FBXW8: variants seen among roughly 807,000 people sequenced by gnomAD.
The protein encoded by FBXW8 is F-box/WD repeat-containing protein 8.
Under a neutral mutation model 65.3 loss-of-function variants are expected in FBXW8, and 57 were observed. The ratio of observed to expected loss-of-function variants is 0.87; its 90% CI spans 0.71 to 1.09. FBXW8 has a LOEUF of 1.09. Ranked by LOEUF, FBXW8 falls within the 50% of genes least tolerant of loss-of-function variation. The pLI, the probability that FBXW8 is intolerant of heterozygous loss-of-function variation, is 0.00. For synonymous variants in FBXW8, 308 were observed against 330.2 expected (o/e 0.93, Z 0.73); for missense variants, 777 against 814.8 (o/e 0.95, Z 0.57).
At chr12:116,970,938 A>G (rs1427625419) in intron 5 of FBXW8, among the ~76,000 whole-genome samples, 2 of 152,248 alleles carry the variant, frequency 1.3e-5, no homozygotes, top group African/African-American at 4.8e-5. Context: ...GACACTTTGC[A>G]AACAAAACAG....
chr12:116,915,640 CTTTTTTTTTTTTTTTTTTTT>C (rs57687048), intron 1 of FBXW8, among the ~76,000 whole-genome samples: 1 of 77,202 alleles, frequency 1.3e-5, no homozygotes, highest in African/African-American at 5.3e-5. Flanking sequence ...CACCTGACTA[CTTTTTTTTTTTTTTTTTTTT>C]TTTTTTTTGG....
chr12:116,945,274 G>A, intron 2 of FBXW8, 90 bp from the exon 3 acceptor site: 3 of 1,317,268 alleles, frequency 2.3e-6, no homozygotes, highest in South Asian at 1.4e-5. Context: ...ATAAACCCAG[G>A]GCAATAATAT....
In FBXW8 at chr12:117,029,283, G is replaced by A; in HGVS notation, c.*1111G>A. 6.6e-6 allele frequency: 1 copy of A among 152,320 alleles called. No individual in the cohort carries two copies. The highest frequency in any genetic ancestry group is 1.5e-5 in the Non-Finnish European group (1 of 68,046). 9.4% of individuals were successfully genotyped at this position (152,320 alleles called of 1,614,324 possible). A position where few individuals can be genotyped will look rare whatever the true frequency, so the allele number is the denominator to read the frequency against. The stretch of plus-strand genomic sequence containing the variant: ...CCTATGGGCTATACCCTCAGGCAGG[G>A]CCCTGCTTTTCTAGGAATTGACTCC... On this transcript the variant is annotated 3_prime_UTR_variant, in exon 11 of 11. Transcript: ENST00000652555.
rs1327108369 is a variant in FBXW8, at chr12:116,911,297, T to C, written c.260T>C (p.Leu87Pro). 2 of 1,280,110 alleles carry C rather than the reference T, an allele frequency of 1.6e-6. No homozygotes were observed. Among genetic ancestry groups the C allele is most frequent in the Admixed American group, 8.3e-5 (2 of 24,170 alleles). The allele number at this position is 1,280,110 out of a possible 1,614,324, so 79.3% of individuals were successfully genotyped here. Residue 87 changes from leucine (L) to proline (P), a missense_variant, in exon 1 of 11, where the codon CTG becomes CCG. Physicochemically the swap from Leu to Pro is moderately conservative, Grantham distance 98 (BLOSUM62 -3). Coordinates refer to ENST00000652555, the MANE Select transcript of FBXW8 (RefSeq NM_153348.3). ...QDVASRSRSPLAREGAGGGEQ... is the reference protein window; with the variant it reads ...QDVASRSRSPPAREGAGGGEQ... ...GTAGCGAGCCGCTCACGTTCTCCTC[T>C]GGCCCGCGAGGGCGCCGGGGGCGGG...
At position 117,012,284 on chromosome 12, in the gene FBXW8, G is replaced by A. The variant is rs1953840268; in HGVS notation, c.1367+1834G>A. Among the ~76,000 whole-genome samples, 4 of 152,100 alleles carry A rather than the reference G, an allele frequency of 2.6e-5. No homozygotes were observed. In the South Asian group the frequency reaches 8.3e-4, roughly 32 times the overall value. On this transcript the variant is annotated intron_variant, in intron 8 of 10. Transcript: ENST00000652555. The stretch of plus-strand genomic sequence containing the variant: ...AAGTCCATTTTATTAGTAAGCCAAT[G>A]TTACATTTTTTTTTAAAACGCTCTG...
At chr12:116,989,580 G>A (rs1953185496) in intron 7 of FBXW8, among the ~76,000 whole-genome samples, 1 of 152,204 alleles carries the variant, frequency 6.6e-6, no homozygotes, top group Non-Finnish European at 1.5e-5. Context: ...TTCTTTGAGT[G>A]ATGACTAAAT....
intron 5 of FBXW8, among the ~76,000 whole-genome samples, chr12:116,984,994 A>G (rs1295332233): frequency 6.6e-6 from 1 of 152,352 alleles, no homozygotes; most frequent in South Asian, 2.1e-4. Context: ...GTTTCTAAAA[A>G]ATAAAAAAGT....
intron 5 of FBXW8, among the ~76,000 whole-genome samples, chr12:116,979,938 C>T (rs1407797985): frequency 6.6e-6 from 1 of 152,118 alleles, no homozygotes; most frequent in Non-Finnish European, 1.5e-5. Flanking sequence ...TCTCCTTGCC[C>T]TGAGGTCCCT....
intron 3 of FBXW8, among the ~76,000 whole-genome samples, chr12:116,948,318 A>G (rs1883061098): frequency 6.6e-6 from 1 of 152,148 alleles, no homozygotes; most frequent in Non-Finnish European, 1.5e-5. Context: ...GCCTTCACAC[A>G]GCTGACTCCC....
intron 7 of FBXW8, among the ~76,000 whole-genome samples, chr12:117,004,998 T>C (rs1045941542): frequency 6.6e-6 from 1 of 152,248 alleles, no homozygotes; most frequent in African/African-American, 2.4e-5. Context: ...TTATCCAGCA[T>C]GGTCACTGTT....
At chr12:116,979,543 T>C (rs1401122174) in intron 5 of FBXW8, 1 of 152,350 alleles carries the variant, frequency 6.6e-6, no homozygotes, top group Admixed American at 6.5e-5. Flanking sequence ...ACTTGTCTTC[T>C]GGATGTTTCA....
At chr12:116,963,730 C>G (rs1884134811) in intron 4 of FBXW8, among the ~76,000 whole-genome samples, 1 of 152,202 alleles carries the variant, frequency 6.6e-6, no homozygotes, top group African/African-American at 2.4e-5. Flanking sequence ...ATCAACTCGG[C>G]AAAGAAACCC....
intron 4 of FBXW8, among the ~76,000 whole-genome samples, chr12:116,960,816 G>T (rs1334231508): frequency 6.6e-6 from 1 of 152,146 alleles, no homozygotes; most frequent in Non-Finnish European, 1.5e-5. Flanking sequence ...TTGAGGAGAC[G>T]ATCAATGCAT....
chr12:117,013,038 A>C (rs1236105969), intron 8 of FBXW8, among the ~76,000 whole-genome samples: 1 of 152,178 alleles, frequency 6.6e-6, no homozygotes, highest in Non-Finnish European at 1.5e-5. Flanking sequence ...TGAGGTCAGG[A>C]GTTCAAGGTC....
intron 5 of FBXW8, among the ~76,000 whole-genome samples, 172 bp downstream of exon 5, chr12:116,965,026 C>T (rs770368679): frequency 1.1e-4 from 17 of 152,174 alleles, no homozygotes; most frequent in Non-Finnish European, 1.5e-4. Flanking sequence ...GGCCAACAAC[C>T]GTCAATGCAT....
At chr12:116,921,903 C>T (rs1880940601) in intron 1 of FBXW8, among the ~76,000 whole-genome samples, 1 of 137,914 alleles carries the variant, frequency 7.3e-6, no homozygotes, top group Non-Finnish European at 1.5e-5. Flanking sequence ...GATCATGGCT[C>T]TGTAGCCTTG....
At chr12:116,981,030 A>G (rs568068831) in intron 5 of FBXW8, among the ~76,000 whole-genome samples, 1 of 152,306 alleles carries the variant, frequency 6.6e-6, no homozygotes, top group East Asian at 1.9e-4. Flanking sequence ...CCTTGGTACA[A>G]AACAGGGAGC....
chr12:116,971,119 G>A (rs1884622568), intron 5 of FBXW8, among the ~76,000 whole-genome samples: 1 of 152,112 alleles, frequency 6.6e-6, no homozygotes, highest in African/African-American at 2.4e-5. Flanking sequence ...GCTCAGGCTT[G>A]TAATGCCAGT....
rs77724341 is a variant in FBXW8 at position 116,951,568 on chromosome 12, G to T, written c.677+1862G>T. 8.3e-3 allele frequency: 1,260 copies of T among 152,138 alleles called. 56 individuals are homozygous for T. In the South Asian group the frequency reaches 0.11, roughly 13 times the overall value. The allele number at this position is 152,138 out of a possible 1,614,324, so 9.4% of individuals were successfully genotyped here. On this transcript the variant is annotated intron_variant, in intron 4 of 10. Transcript: ENST00000652555. ...TCTTTCTTTTGCACAAGTGGAGTCT[G>T]TTCAGAGGCTTAGTTTTATGTACCT...
Sources: allele counts gnomAD v4.1 joint callset (sites outside exome capture counted in the v4.1 genomes callset), GRCh38; gene constraint gnomAD v4.1.1; transcripts MANE v1.5; gene names NCBI Gene and HGNC (gene_info 2026-07-23, HGNC 2026-07-21).